Variants in EPHA5 observed in about 807,000 individuals in gnomAD.
The protein encoded by EPHA5 is ephrin type-A receptor 5.
A neutral mutation model predicts 105.0 loss-of-function variants in EPHA5; 60 were observed. The ratio of observed to expected loss-of-function variants is 0.57; its 90% CI spans 0.46 to 0.71. EPHA5 has a LOEUF of 0.71. Ranked by LOEUF, EPHA5 falls within the 30% of genes least tolerant of loss-of-function variation. The pLI is 0.00. For missense variants in EPHA5, 1,218 were observed against 1,274.7 expected (o/e 0.96, Z 0.68); for synonymous variants, 513 against 449.1 (o/e 1.14, Z -1.80).
intron 8 of EPHA5, among the ~76,000 whole-genome samples, chr4:65,368,231 T>C (rs556013044): frequency 3.9e-5 from 6 of 152,198 alleles, no homozygotes; most frequent in African/African-American, 1.2e-4. Flanking sequence ...TTCTCTCCTC[T>C]CAATCCATCT....
chr4:65,437,863 C>A (rs1345531248), intron 5 of EPHA5, among the ~76,000 whole-genome samples: 14 of 151,652 alleles, frequency 9.2e-5, no homozygotes. Flanking sequence ...ATAAAATTTC[C>A]ATGTTAAAAA....
chr4:65,467,849 A>AG (rs1276804207), intron 5 of EPHA5, among the ~76,000 whole-genome samples: 2 of 152,172 alleles, frequency 1.3e-5, no homozygotes, highest in Admixed American at 1.3e-4. Context: ...AGAAGTGAAG[A>AG]GGGGGGCTGA....
At chr4:65,352,813 T>G (rs1239835907) in intron 12 of EPHA5, among the ~76,000 whole-genome samples, 1 of 151,164 alleles carries the variant, frequency 6.6e-6, no homozygotes, top group African/African-American at 2.4e-5. Flanking sequence ...TAAGACATAC[T>G]TAAATAAAAC....
intron 5 of EPHA5, among the ~76,000 whole-genome samples, chr4:65,479,837 G>A (rs373778416): frequency 1.3e-4 from 20 of 151,950 alleles, no homozygotes; most frequent in African/African-American, 2.9e-4. Context: ...AAACATATGC[G>A]TATGATTTTA....
chr4:65,495,988 T>C (rs1265584168), intron 3 of EPHA5, among the ~76,000 whole-genome samples: 1 of 152,194 alleles, frequency 6.6e-6, no homozygotes, highest in Non-Finnish European at 1.5e-5. Flanking sequence ...ATAAATTAAT[T>C]AATTAGTATG....
At chr4:65,556,490 TA>T (rs2149349382) in intron 3 of EPHA5, among the ~76,000 whole-genome samples, 1 of 152,286 alleles carries the variant, frequency 6.6e-6, no homozygotes, top group Admixed American at 6.5e-5. Context: ...AGCATTGAGA[TA>T]TATGGAATTC....
intron 8 of EPHA5, among the ~76,000 whole-genome samples, chr4:65,389,202 A>G (rs1028963873): frequency 1.3e-5 from 2 of 152,058 alleles, no homozygotes; most frequent in East Asian, 3.9e-4. Flanking sequence ...TAATGTGTCT[A>G]TTGCTTAAAT....
At chr4:65,478,299 A>G (rs1035720044) in intron 5 of EPHA5, among the ~76,000 whole-genome samples, 1 of 152,222 alleles carries the variant, frequency 6.6e-6, no homozygotes, top group African/African-American at 2.4e-5. Context: ...CATTCATCTC[A>G]TATCTGTCCT....
chr4:65,604,656 A>T (rs1315744953), intron 2 of EPHA5, among the ~76,000 whole-genome samples: 1 of 152,062 alleles, frequency 6.6e-6, no homozygotes, highest in Admixed American at 6.6e-5. Flanking sequence ...TAAAACTTTG[A>T]ATTTTTCTAA....
chr4:65,479,627 C>T (rs375657725), intron 5 of EPHA5, among the ~76,000 whole-genome samples: 3 of 152,046 alleles, frequency 2.0e-5, no homozygotes, highest in East Asian at 3.9e-4. Context: ...TGTATCAGGG[C>T]TTTACACTGA....
intron 12 of EPHA5, among the ~76,000 whole-genome samples, chr4:65,351,960 G>A (rs1307100317): frequency 6.6e-6 from 1 of 152,026 alleles, no homozygotes; most frequent in Non-Finnish European, 1.5e-5. Context: ...AAAGAAGCTA[G>A]CTGGATAGAC....
At position 65,588,792 on chromosome 4, in the gene EPHA5, A is replaced by G. The variant is rs534420722; in HGVS notation, c.910+12849T>C. Among the ~76,000 whole-genome samples the G allele has an allele frequency of 3.3e-5, 5 of 152,248 alleles. 1 individual carries two copies. The South Asian group carries it at 6.2e-4, about 19-fold the overall frequency. The stretch of plus-strand genomic sequence containing the variant: ...CTTCTGAGTCCTTAAAGGGCTTGCC[A>G]TGAGTAGCTGGCCTGGTCGGACGGT... On this transcript the variant is annotated intron_variant, in intron 3 of 16. Coordinates refer to ENST00000613740, the MANE Select transcript of EPHA5 (RefSeq NM_001281766.3).
At chr4:65,376,960 G>A (rs2148919485) in intron 8 of EPHA5, 1 of 1,546,532 alleles carries the variant, frequency 6.5e-7, no homozygotes, top group Non-Finnish European at 8.8e-7. Flanking sequence ...CATATAGGTG[G>A]ACATCACATA....
intron 3 of EPHA5, among the ~76,000 whole-genome samples, chr4:65,585,588 T>C (rs1452991893): frequency 2.0e-5 from 3 of 151,954 alleles, no homozygotes; most frequent in East Asian, 1.9e-4. Context: ...AACAACATCT[T>C]TTTGTTTCCA....
At chr4:65,329,762 T>G (rs190933809) in intron 16 of EPHA5, among the ~76,000 whole-genome samples, 1 of 151,172 alleles carries the variant, frequency 6.6e-6, no homozygotes, top group Non-Finnish European at 1.5e-5. Context: ...CTATTTCTTT[T>G]GCTGATAATC....
chr4:65,600,717 C>G (rs983598593), intron 3 of EPHA5, among the ~76,000 whole-genome samples: 3 of 152,074 alleles, frequency 2.0e-5, no homozygotes, highest in South Asian at 2.1e-4. Flanking sequence ...CTAGTTAGTA[C>G]ACTCACATCA....
At chr4:65,522,314 A>ATG (rs71269046) in intron 3 of EPHA5, among the ~76,000 whole-genome samples, 15,032 of 122,098 alleles carry the variant, frequency 0.12, 1,051 homozygotes, top group East Asian at 0.31. Flanking sequence ...GTATATATAT[A>ATG]TGTATATATA....
At chr4:65,464,323 G>A (rs964842743) in intron 5 of EPHA5, among the ~76,000 whole-genome samples, 9 of 151,756 alleles carry the variant, frequency 5.9e-5, no homozygotes, top group Non-Finnish European at 1.2e-4. Flanking sequence ...AATTACTGAC[G>A]TGCCTACAAA....
chr4:65,645,076 A>G (rs1425754736), intron 1 of EPHA5, among the ~76,000 whole-genome samples: 1 of 152,110 alleles, frequency 6.6e-6, no homozygotes, highest in East Asian at 1.9e-4. Flanking sequence ...AAACTGTTCT[A>G]ATACCCACTG....
Sources: gnomAD v4.1 joint callset for allele counts (sites outside exome capture counted in the v4.1 genomes callset) on GRCh38, gnomAD v4.1.1 for gene constraint, MANE v1.5 for transcripts, NCBI Gene and HGNC (gene_info 2026-07-23, HGNC 2026-07-21) for gene names.